Variants in ASMTL observed in about 807,000 individuals in gnomAD.
ASMTL encodes the protein probable bifunctional dTTP/UTP pyrophosphatase/methyltransferase protein.
In ASMTL, 57 loss-of-function variants were observed where a neutral mutation model predicts 60.3. That is an observed-to-expected ratio of 0.95 (90% CI 0.76 to 1.18). The LOEUF (loss-of-function observed/expected upper bound fraction) is 1.18, where lower values mean the gene tolerates loss of function less well. Among genes scored for constraint, ASMTL ranks in the 50% most tolerant of loss-of-function variants. ASMTL has a pLI of 0.00. For missense variants in ASMTL, 981 were observed against 852.6 expected, an observed-to-expected ratio of 1.15 and a Z score of -1.88; for synonymous variants, 419 against 373.0, an observed-to-expected ratio of 1.12 and a Z score of -1.42.
intron 12 of ASMTL, among the ~76,000 whole-genome samples, chrX:1,406,141 T>A (rs1490230676): frequency 6.8e-6 from 1 of 146,452 alleles, no homozygotes; most frequent in Admixed American, 6.8e-5. Flanking sequence ...GATGGATGCA[T>A]GGATGAGATG....
At chrX:1,413,297 G>A (rs1468587607) in intron 11 of ASMTL, among the ~76,000 whole-genome samples, 11 of 152,244 alleles carry the variant, frequency 7.2e-5, no homozygotes, top group Non-Finnish European at 1.5e-4. Context: ...GGGAGGTGGA[G>A]GTTGCAGTGA....
At chrX:1,442,457 G>A (rs1297900099) in intron 1 of ASMTL, 140 bp from the exon 2 acceptor site, 15 of 987,058 alleles carry the variant, frequency 1.5e-5, no homozygotes, top group East Asian at 7.8e-5. Context: ...CATCCGCCAA[G>A]CTTTCCCTAA....
In ASMTL at chrX:1,418,071, C is replaced by G; in HGVS notation, c.1424G>C (p.Arg475Pro). 2 of 1,613,166 alleles carry G rather than the reference C, an allele frequency of 1.2e-6. No individual in the cohort carries two copies. Among genetic ancestry groups the G allele is most frequent in the South Asian group, 1.1e-5 (1 of 90,972 alleles). ...GAGGTCAAACACAGTCACCTGCATA[C>G]GAGGGTACTCACGGGCCAGCTCTCG... ...LARELAREYP[R>P]MQVTVFDLPD... is the part of the protein sequence containing the mutation. The change falls in exon 11 of 13, where the codon CGT (arginine) becomes CCT (proline). Residue 475 changes from arginine (R) to proline (P), a missense_variant. Coordinates refer to ENST00000381317, the MANE Select transcript of ASMTL (RefSeq NM_004192.4).
intron 12 of ASMTL, among the ~76,000 whole-genome samples, chrX:1,411,963 T>C (rs1400381366): frequency 2.0e-5 from 3 of 151,666 alleles, no homozygotes; most frequent in Non-Finnish European, 4.4e-5. Context: ...AGGCACCCGC[T>C]ATCAAGCCCG....
intron 11 of ASMTL, 150 bp from the exon 12 acceptor site, chrX:1,413,004 G>A (rs1288386110): frequency 2.1e-5 from 17 of 826,460 alleles, no homozygotes; most frequent in East Asian, 1.2e-4. Context: ...GTACATCCCC[G>A]TGGGGACTTG....
intron 1 of ASMTL, among the ~76,000 whole-genome samples, chrX:1,443,465 C>T (rs1276407084): frequency 1.1e-4 from 17 of 149,664 alleles, no homozygotes; most frequent in African/African-American, 4.3e-4. Context: ...TGGACACACA[C>T]CACCATCGTG....
intron 1 of ASMTL, among the ~76,000 whole-genome samples, chrX:1,452,246 C>A (rs1390033577): frequency 2.7e-5 from 4 of 149,614 alleles, no homozygotes; most frequent in African/African-American, 4.9e-5. Context: ...CTCCCCCATC[C>A]CTAGGGGTCC....
At chrX:1,435,441 C>T in intron 4 of ASMTL, 1 of 611,528 alleles carries the variant, frequency 1.6e-6, no homozygotes, top group Admixed American at 2.9e-5. Context: ...ACACTGCCAA[C>T]TTCTCATGAC....
At chrX:1,449,872 C>T (rs1237239430) in intron 1 of ASMTL, among the ~76,000 whole-genome samples, 4 of 142,806 alleles carry the variant, frequency 2.8e-5, no homozygotes, top group Non-Finnish European at 6.1e-5. Flanking sequence ...CTACCCCCAT[C>T]ACCAATAACT....
chrX:1,403,681 A>T, intron 12 of ASMTL, 192 bp from the exon 13 acceptor site: 3 of 606,268 alleles, frequency 4.9e-6, no homozygotes. Flanking sequence ...ACAGACAGGG[A>T]GAAGGAGATT....
intron 8 of ASMTL, among the ~76,000 whole-genome samples, chrX:1,422,259 C>T (rs1404364309): frequency 6.6e-6 from 1 of 152,060 alleles, no homozygotes; most frequent in Admixed American, 6.6e-5. Flanking sequence ...GAGATTAACC[C>T]CCCAAAATGT....
chrX:1,407,911 AAGAG>A (rs1169383148), intron 12 of ASMTL, among the ~76,000 whole-genome samples: 3 of 121,628 alleles, frequency 2.5e-5, no homozygotes, highest in African/African-American at 5.3e-5. Flanking sequence ...AAGAGAGAGA[AAGAG>A]AGACAGAGGC....
rs2090571668 is a variant in ASMTL at position 1,424,847 on chromosome X, T to TGTCC, written c.1060+677_1060+678insGGAC. 1.1e-4 allele frequency among the ~76,000 whole-genome samples: 7 copies of TGTCC among 63,688 alleles called. 1 individual carries two copies. The South Asian group carries it at 3.4e-3, about 31-fold the overall frequency. The allele number at this position is 63,688 out of a possible 152,430, so 41.8% of individuals were successfully genotyped here. On this transcript the variant is annotated intron_variant, in intron 8 of 12. Coordinates refer to ENST00000381317, the MANE Select transcript of ASMTL (RefSeq NM_004192.4). ...CCATCCACCTCTCCATCCATCCATC[T>TGTCC]ATCCATCCACCCACCCACCCATCCA...
chrX:1,417,656 C>T (rs1163231667), intron 11 of ASMTL, among the ~76,000 whole-genome samples: 22 of 151,908 alleles, frequency 1.4e-4, no homozygotes, highest in African/African-American at 5.3e-4. Flanking sequence ...CACAGACACA[C>T]ACACATACTC....
chrX:1,430,932 A>C (rs1233685075), intron 6 of ASMTL, among the ~76,000 whole-genome samples: 2 of 143,048 alleles, frequency 1.4e-5, no homozygotes, highest in African/African-American at 5.1e-5. Context: ...ATTATATATT[A>C]TATATAACTA....
chrX:1,429,811 G>A (rs1437357894), intron 6 of ASMTL, among the ~76,000 whole-genome samples: 7 of 151,500 alleles, frequency 4.6e-5, no homozygotes, highest in African/African-American at 1.7e-4. Flanking sequence ...AAAATTTCAT[G>A]TGTTAAATGG....
At chrX:1,440,148 G>A (rs1603451669) in intron 2 of ASMTL, among the ~76,000 whole-genome samples, 1 of 150,710 alleles carries the variant, frequency 6.6e-6, no homozygotes, top group South Asian at 2.1e-4. Context: ...GGGCAGTGGC[G>A]CGACCTCGGC....
At chrX:1,433,037 G>A in intron 5 of ASMTL, among the ~76,000 whole-genome samples, 2 of 152,300 alleles carry the variant, frequency 1.3e-5, no homozygotes, top group African/African-American at 4.8e-5. Flanking sequence ...GGCGGAGGTT[G>A]CAGTGAGCCA....
chrX:1,420,669 AAG>A (rs2090460330), intron 9 of ASMTL, among the ~76,000 whole-genome samples: 4 of 152,230 alleles, frequency 2.6e-5, no homozygotes, highest in Admixed American at 2.6e-4. Context: ...TGGGCGGGGA[AAG>A]GGGAAGGAGG....
Sources: allele counts gnomAD v4.1 joint callset (sites outside exome capture counted in the v4.1 genomes callset), GRCh38; gene constraint gnomAD v4.1.1; transcripts MANE v1.5; gene names NCBI Gene and HGNC (gene_info 2026-07-23, HGNC 2026-07-21).